The following MVB12B variants were observed in gnomAD, a reference collection of about 807,000 sequenced individuals.
The protein encoded by MVB12B is multivesicular body subunit 12B.
A neutral mutation model predicts 41.6 loss-of-function variants in MVB12B; 16 were observed. The ratio of observed to expected loss-of-function variants is 0.38; its 90% CI spans 0.26 to 0.58. The LOEUF is 0.58. Among genes scored for constraint, MVB12B ranks in the 20% least tolerant of loss-of-function variants. The pLI is 0.62. For missense variants in MVB12B, 274 were observed against 380.2 expected (o/e 0.72, Z 2.32); for synonymous variants, 133 against 139.7 (o/e 0.95, Z 0.34).
intron 2 of MVB12B, among the ~76,000 whole-genome samples, chr9:126,362,004 T>C (rs886491316): frequency 2.6e-5 from 4 of 152,066 alleles, no homozygotes; most frequent in African/African-American, 9.7e-5. Flanking sequence ...CATTTGTTTC[T>C]CTGTACATAG....
intron 6 of MVB12B, among the ~76,000 whole-genome samples, chr9:126,412,671 C>T (rs1831685676): frequency 6.6e-6 from 1 of 152,206 alleles, no homozygotes; most frequent in Non-Finnish European, 1.5e-5. Context: ...AGAATCCACA[C>T]TCCCATCTTA....
chr9:126,421,915 G>T lies in MVB12B; in HGVS notation c.724G>T (p.Glu242Ter). The change falls in exon 7 of 10, where the codon GAG becomes TAG. Residue 242 changes from glutamate to a stop codon, truncating the protein, a stop_gained. Transcript: ENST00000361171. LOFTEE classifies it high-confidence loss of function. ...RGRNSTRTDY[E>*]YQHSNLYAIS... Reference sequence around the variant, plus strand: ...CAGGAACAGCACCCGGACGGACTACGAGTACCAGCACTCCAATTTGTATGC... The same window carrying T: ...CAGGAACAGCACCCGGACGGACTACTAGTACCAGCACTCCAATTTGTATGC... 6.2e-7 allele frequency: 1 copy of T among 1,613,966 alleles called. No homozygotes were observed. The highest frequency in any genetic ancestry group is 8.5e-7 in the Non-Finnish European group (1 of 1,179,960).
At chr9:126,425,296 T>G (rs1287075519) in intron 7 of MVB12B, among the ~76,000 whole-genome samples, 1 of 152,172 alleles carries the variant, frequency 6.6e-6, no homozygotes, top group Non-Finnish European at 1.5e-5. Flanking sequence ...AAAAAATTAA[T>G]TTTTTAAAAT....
At chr9:126,385,221 C>G (rs551338363) in intron 3 of MVB12B, among the ~76,000 whole-genome samples, 2 of 152,120 alleles carry the variant, frequency 1.3e-5, no homozygotes, top group Non-Finnish European at 2.9e-5. Context: ...TACTGAGCAC[C>G]TGCTGTGTGG....
intron 7 of MVB12B, among the ~76,000 whole-genome samples, chr9:126,457,887 C>T (rs886787298): frequency 2.0e-5 from 3 of 152,276 alleles, no homozygotes; most frequent in Admixed American, 6.5e-5. Flanking sequence ...AAGCTGAGAG[C>T]CCCTCTCCAC....
chr9:126,451,470 A>G (rs767058493), intron 7 of MVB12B, among the ~76,000 whole-genome samples: 17 of 152,142 alleles, frequency 1.1e-4, no homozygotes, highest in Non-Finnish European at 2.2e-4. Context: ...CAAGAGCTGC[A>G]GCCCATCCAG....
At chr9:126,482,016 C>G (rs1238011596) in intron 8 of MVB12B, among the ~76,000 whole-genome samples, 1 of 152,274 alleles carries the variant, frequency 6.6e-6, no homozygotes, top group Admixed American at 6.5e-5. Flanking sequence ...CACATCAGCA[C>G]TCTCACGCAG....
chr9:126,349,277 G>T (rs1361057566), intron 2 of MVB12B, among the ~76,000 whole-genome samples: 1 of 152,148 alleles, frequency 6.6e-6, no homozygotes, highest in Admixed American at 6.5e-5. Flanking sequence ...GCAAGAGCCC[G>T]TGAAAGCAGG....
intron 4 of MVB12B, among the ~76,000 whole-genome samples, chr9:126,390,868 C>T (rs958457704): frequency 6.6e-6 from 1 of 151,006 alleles, no homozygotes; most frequent in East Asian, 2.0e-4. Flanking sequence ...AGGAGAATCA[C>T]TTGAACCCCG....
chr9:126,365,583 C>T (rs868067733), intron 2 of MVB12B, among the ~76,000 whole-genome samples: 12 of 152,104 alleles, frequency 7.9e-5, no homozygotes, highest in Middle Eastern at 3.4e-3. Flanking sequence ...TCAGATGATC[C>T]GCCTGCCTTG....
intron 1 of MVB12B, among the ~76,000 whole-genome samples, chr9:126,327,983 T>C (rs1329319234): frequency 6.6e-6 from 1 of 152,134 alleles, no homozygotes; most frequent in Non-Finnish European, 1.5e-5. Flanking sequence ...TCCTTCTCAG[T>C]ATAATCTCAT....
chr9:126,434,745 C>T (rs968595955), intron 7 of MVB12B, among the ~76,000 whole-genome samples: 5 of 152,210 alleles, frequency 3.3e-5, no homozygotes, highest in Admixed American at 6.5e-5. Flanking sequence ...AGGCCCAAGA[C>T]GTAGCTTCTT....
chr9:126,335,153 C>A, intron 1 of MVB12B: 1 of 1,009,544 alleles, frequency 9.9e-7, no homozygotes. Flanking sequence ...TGCCCAACAA[C>A]TTAGCAGCCC....
At chr9:126,457,262 T>C (rs2119170386) in intron 7 of MVB12B, among the ~76,000 whole-genome samples, 1 of 152,284 alleles carries the variant, frequency 6.6e-6, no homozygotes, top group Non-Finnish European at 1.5e-5. Flanking sequence ...AGTTGGCTCT[T>C]GGGTGGGATC....
intron 2 of MVB12B, among the ~76,000 whole-genome samples, chr9:126,344,871 T>C (rs952339452): frequency 6.6e-5 from 10 of 152,134 alleles, no homozygotes; most frequent in Admixed American, 1.3e-4. Context: ...CACACATCCT[T>C]TAATTGGGAA....
chr9:126,400,502 A>G (rs1239636279), intron 6 of MVB12B, among the ~76,000 whole-genome samples: 2 of 152,112 alleles, frequency 1.3e-5, no homozygotes, highest in African/African-American at 4.8e-5. Flanking sequence ...AGCCGTATTT[A>G]AGGAACTTGT....
At chr9:126,419,622 C>T (rs1020308687) in intron 6 of MVB12B, among the ~76,000 whole-genome samples, 1 of 152,158 alleles carries the variant, frequency 6.6e-6, no homozygotes. Context: ...GTCGATAATT[C>T]ACTCTTCTGT....
chr9:126,453,330 C>T (rs1408978018), intron 7 of MVB12B, among the ~76,000 whole-genome samples: 2 of 152,070 alleles, frequency 1.3e-5, no homozygotes, highest in Non-Finnish European at 2.9e-5. Flanking sequence ...GGTGAAAGGT[C>T]CAGCTGCAAG....
intron 7 of MVB12B, among the ~76,000 whole-genome samples, chr9:126,454,804 C>A (rs1297955909): frequency 6.6e-6 from 1 of 151,024 alleles, no homozygotes; most frequent in African/African-American, 2.4e-5. Flanking sequence ...TTTTTTTTAA[C>A]CAGCCAGGAA....
Sources: allele counts gnomAD v4.1 joint callset (sites outside exome capture counted in the v4.1 genomes callset), GRCh38; gene constraint gnomAD v4.1.1; transcripts MANE v1.5; gene names NCBI Gene and HGNC (gene_info 2026-07-23, HGNC 2026-07-21).